The following SYK variants were observed in gnomAD, a reference collection of about 807,000 sequenced individuals.
The protein encoded by SYK is spleen associated tyrosine kinase.
SYK carries 16 observed loss-of-function variants against 77.8 expected under a neutral mutation model. The observed-to-expected ratio is 0.21, with a 90% confidence interval of 0.14 to 0.31. The LOEUF is 0.31. Among genes scored for constraint, SYK ranks in the 10% least tolerant of loss-of-function variants. The pLI is 1.00. For missense variants in SYK, 529 were observed against 814.4 expected (o/e 0.65, Z 4.26); for synonymous variants, 312 against 308.7 (o/e 1.01, Z -0.11).
chr9:90,888,835 T>C (rs764398516), intron 13 of SYK, among the ~76,000 whole-genome samples: 4 of 152,184 alleles, frequency 2.6e-5, no homozygotes, highest in Non-Finnish European at 4.4e-5. Context: ...AAAGAGCAAG[T>C]TTAGATGGGG....
chr9:90,811,957 C>G (rs1392494626), intron 1 of SYK, among the ~76,000 whole-genome samples: 1 of 133,538 alleles, frequency 7.5e-6, no homozygotes, highest in Non-Finnish European at 1.6e-5. Context: ...AAAAAAAAAC[C>G]TAAAAATCTC....
At chr9:90,811,764 C>CAAAAA (rs3057733) in intron 1 of SYK, among the ~76,000 whole-genome samples, 5 of 147,346 alleles carry the variant, frequency 3.4e-5, no homozygotes, top group Admixed American at 6.7e-5. Context: ...TGACAAATAC[C>CAAAAA]AAAAAAAAAA....
At chr9:90,850,527 ATAT>A (rs933083369) in intron 3 of SYK, among the ~76,000 whole-genome samples, 2 of 151,454 alleles carry the variant, frequency 1.3e-5, no homozygotes, top group Admixed American at 6.6e-5. Flanking sequence ...AAAAATATAT[ATAT>A]TATTATTATT....
chr9:90,820,366 G>A (rs1587818195), intron 1 of SYK, among the ~76,000 whole-genome samples: 1 of 152,330 alleles, frequency 6.6e-6, no homozygotes, highest in Admixed American at 6.5e-5. Flanking sequence ...ATCCATGAGG[G>A]CCCTGCCCCT....
intron 7 of SYK, among the ~76,000 whole-genome samples, chr9:90,868,073 G>A (rs776778652): frequency 1.4e-4 from 22 of 152,108 alleles, no homozygotes; most frequent in South Asian, 1.0e-3. Flanking sequence ...AGAAACAACA[G>A]AAATAAAAGA....
chr9:90,860,055 C>T (rs1827196687), intron 3 of SYK, among the ~76,000 whole-genome samples: 1 of 152,168 alleles, frequency 6.6e-6, no homozygotes, highest in African/African-American at 2.4e-5. Context: ...ATGGTGCAGT[C>T]TTGGCTCACT....
intron 3 of SYK, among the ~76,000 whole-genome samples, chr9:90,853,417 C>T (rs1826895822): frequency 6.6e-6 from 1 of 151,736 alleles, no homozygotes; most frequent in Admixed American, 6.6e-5. Context: ...AAGACACATG[C>T]ACACGTATGT....
At chr9:90,837,612 C>T (rs188201827) in intron 1 of SYK, among the ~76,000 whole-genome samples, 5 of 152,024 alleles carry the variant, frequency 3.3e-5, no homozygotes, top group East Asian at 3.9e-4. Flanking sequence ...TGAAGATTTG[C>T]GATGTGATGT....
rs111829496 is a variant in SYK, at chr9:90,804,674, T to C, written c.-42+2781T>C. On this transcript the variant is annotated intron_variant, in intron 1 of 13. Transcript: ENST00000375754. ...TCTACACATTGAGCATTACTTTTTC[T>C]TCTAAAGCAACTAAAATCAGAAGGC... Among the ~76,000 whole-genome samples the C allele has an allele frequency of 1.7e-4, 26 of 152,354 alleles. 2 individuals carry two copies. The highest frequency in any genetic ancestry group is 5.5e-4 in the African/African-American group (23 of 41,592).
At position 90,874,336 on chromosome 9, in the gene SYK, G is replaced by A. The variant is rs369693366; in HGVS notation, c.1003+45G>A. On this transcript the variant is annotated intron_variant, in intron 8 of 13. Coordinates refer to ENST00000375754, the MANE Select transcript of SYK (RefSeq NM_003177.7). ...AAGGGACATTCACAGAGCAAAGTGCGTGGTCACTTGTAAGTTTGTAGAGTT... is the reference window on the plus strand; with the variant it reads ...AAGGGACATTCACAGAGCAAAGTGCATGGTCACTTGTAAGTTTGTAGAGTT... The A allele has an allele frequency of 3.6e-5, 57 of 1,579,958 alleles. No homozygotes were observed. In the African/African-American group the frequency reaches 3.8e-4, roughly 10 times the overall value.
chr9:90,879,331 C>T (rs527728376), intron 11 of SYK, among the ~76,000 whole-genome samples: 37 of 152,314 alleles, frequency 2.4e-4, no homozygotes, highest in African/African-American at 7.5e-4. Flanking sequence ...CTTAACATTA[C>T]GAATCTCAGT....
intron 1 of SYK, among the ~76,000 whole-genome samples, chr9:90,811,414 T>C (rs1480504550): frequency 6.6e-6 from 1 of 152,108 alleles, no homozygotes; most frequent in Non-Finnish European, 1.5e-5. Context: ...ATCACACATA[T>C]AAATTGACAA....
chr9:90,849,355 G>A (rs983143709), intron 3 of SYK, among the ~76,000 whole-genome samples: 60 of 152,120 alleles, frequency 3.9e-4, no homozygotes, highest in Admixed American at 2.0e-3. Context: ...CTTTTACCTG[G>A]GTCCTGTACA....
chr9:90,807,291 G>A (rs1824875492), intron 1 of SYK, among the ~76,000 whole-genome samples: 2 of 152,196 alleles, frequency 1.3e-5, no homozygotes, highest in Admixed American at 1.3e-4. Flanking sequence ...CTTGGTAGAG[G>A]CAGAATGTTG....
chr9:90,862,146 C>G lies in SYK; in HGVS notation c.579-60C>G, dbSNP rs1000369189. 43 of 1,534,074 alleles carry G rather than the reference C, an allele frequency of 2.8e-5. No individual in the cohort carries two copies. In the African/African-American group the frequency reaches 3.2e-4, roughly 11 times the overall value. On this transcript the variant is annotated intron_variant, in intron 3 of 13. Transcript: ENST00000375754. ...CCATTCAGGCCAGGGTGCTTCCTCCCAGGGTCCCACCTGGAGACTGGCGGG... is the reference window on the plus strand; with the variant it reads ...CCATTCAGGCCAGGGTGCTTCCTCCGAGGGTCCCACCTGGAGACTGGCGGG...
At chr9:90,870,670 A>C (rs538685935) in intron 7 of SYK, among the ~76,000 whole-genome samples, 2 of 152,344 alleles carry the variant, frequency 1.3e-5, no homozygotes, top group South Asian at 4.1e-4. Flanking sequence ...GAGCAAAGCT[A>C]ATAGTAGCCT....
At position 90,898,449 on chromosome 9, in the gene SYK, T is replaced by C. The variant is rs887998419; in HGVS notation, c.*2849T>C. The stretch of plus-strand genomic sequence containing the variant: ...CAGCCCTGCAGAGAGCTCCCTCCAC[T>C]GGTTAGCAGTGTGTTGTGTTTTCCA... On this transcript the variant is annotated 3_prime_UTR_variant, in exon 14 of 14. Transcript: ENST00000375754. 1 of 222,250 alleles carries C rather than the reference T, an allele frequency of 4.5e-6. No individual in the cohort carries two copies. The allele number at this position is 222,250 out of a possible 1,614,324, so 13.8% of individuals were successfully genotyped here. A position where few individuals can be genotyped will look rare whatever the true frequency, so the allele number is the denominator to read the frequency against.
At chr9:90,862,376 A>G in intron 4 of SYK, 32 bp downstream of exon 4, 1 of 1,608,408 alleles carries the variant, frequency 6.2e-7, no homozygotes, top group Non-Finnish European at 8.5e-7. Flanking sequence ...CCTTGTGGGT[A>G]GAGTACAGGG....
intron 1 of SYK, among the ~76,000 whole-genome samples, chr9:90,815,851 T>G (rs2118353988): frequency 6.6e-6 from 1 of 152,340 alleles, no homozygotes; most frequent in East Asian, 1.9e-4. Flanking sequence ...TGGATCAGTT[T>G]TGAACCCCAG....
Sources: gnomAD v4.1 joint callset for allele counts (sites outside exome capture counted in the v4.1 genomes callset) on GRCh38, gnomAD v4.1.1 for gene constraint, MANE v1.5 for transcripts, NCBI Gene and HGNC (gene_info 2026-07-23, HGNC 2026-07-21) for gene names.